The following ATP8A1 variants were observed in gnomAD, a reference collection of about 807,000 sequenced individuals.
The protein encoded by ATP8A1 is ATPase phospholipid transporting 8A1.
In ATP8A1, 90 loss-of-function variants were observed where a neutral mutation model predicts 177.7. That is an observed-to-expected ratio of 0.51 (90% CI 0.43 to 0.60). The LOEUF (loss-of-function observed/expected upper bound fraction) is 0.60, where lower values mean the gene tolerates loss of function less well. Among genes scored for constraint, ATP8A1 ranks in the 20% least tolerant of loss-of-function variants. The pLI is 0.00. For synonymous variants in ATP8A1, 493 were observed against 485.9 expected, an observed-to-expected ratio of 1.01 and a Z score of -0.19; for missense variants, 1,072 against 1,392.8, an observed-to-expected ratio of 0.77 and a Z score of 3.67.
At chr4:42,506,941 T>C (rs1724422590) in intron 23 of ATP8A1, 75 bp downstream of exon 23, 1 of 1,498,748 alleles carries the variant, frequency 6.7e-7, no homozygotes, top group South Asian at 1.2e-5. Flanking sequence ...TCTTGAAATG[T>C]CTCAAATCCA....
At chr4:42,647,279 T>C (rs192168698) in intron 1 of ATP8A1, among the ~76,000 whole-genome samples, 40 of 152,280 alleles carry the variant, frequency 2.6e-4, no homozygotes, top group African/African-American at 8.9e-4. Flanking sequence ...AAATTTTATA[T>C]TCTGAAAAAT....
chr4:42,609,737 C>A (rs1736183249), intron 5 of ATP8A1, among the ~76,000 whole-genome samples: 1 of 152,068 alleles, frequency 6.6e-6, no homozygotes, highest in Non-Finnish European at 1.5e-5. Context: ...CTACTTGACA[C>A]AACCTGTCCC....
intron 33 of ATP8A1, among the ~76,000 whole-genome samples, chr4:42,439,178 G>T (rs956786000): frequency 5.3e-5 from 8 of 152,132 alleles, no homozygotes; most frequent in African/African-American, 1.7e-4. Context: ...AAATATCTGT[G>T]CCCTTTTAAG....
chr4:42,551,371 T>C, intron 17 of ATP8A1, 91 bp from the exon 18 acceptor site: 1 of 888,940 alleles, frequency 1.1e-6, no homozygotes, highest in Non-Finnish European at 1.8e-6. Context: ...TATAATTTTC[T>C]GTTTAATTAA....
In ATP8A1 at chr4:42,626,862, C is replaced by T. The variant is rs1318708595; in HGVS notation, c.164+133G>A. The T allele has an allele frequency of 8.2e-5, 57 of 693,812 alleles. 1 individual carries two copies. The Middle Eastern group carries it at 1.2e-3, about 14-fold the overall frequency. 43.0% of individuals were successfully genotyped at this position (693,812 alleles called of 1,614,324 possible). On this transcript the variant is annotated intron_variant, in intron 2 of 36. Transcript: ENST00000381668. ...ATGGGAGAGAAGATGGGGAAACAGC[C>T]TATTCACACTGCCAACAGGGAGCTC...
intron 1 of ATP8A1, among the ~76,000 whole-genome samples, chr4:42,639,550 A>G (rs1189856659): frequency 6.6e-6 from 1 of 152,242 alleles, no homozygotes; most frequent in Non-Finnish European, 1.5e-5. Flanking sequence ...CCAAAAGACA[A>G]GGTAGGGGAT....
intron 24 of ATP8A1, among the ~76,000 whole-genome samples, chr4:42,499,484 A>C (rs1299480587): frequency 6.6e-6 from 1 of 152,186 alleles, no homozygotes; most frequent in African/African-American, 2.4e-5. Flanking sequence ...CGAGAGACTC[A>C]AGACAGTCAA....
At chr4:42,585,452 G>A (rs1472412529) in intron 9 of ATP8A1, among the ~76,000 whole-genome samples, 1 of 148,640 alleles carries the variant, frequency 6.7e-6, no homozygotes, top group South Asian at 2.2e-4. Flanking sequence ...CAGAAGGTGG[G>A]GACTTTGGGA....
intron 23 of ATP8A1, among the ~76,000 whole-genome samples, chr4:42,506,290 C>T (rs1186474440): frequency 6.6e-6 from 1 of 152,112 alleles, no homozygotes; most frequent in Non-Finnish European, 1.5e-5. Context: ...ATAAAAGAGG[C>T]CTCAGAGGGC....
intron 5 of ATP8A1, among the ~76,000 whole-genome samples, chr4:42,601,692 GT>G (rs1282538069): frequency 2.0e-5 from 3 of 152,110 alleles, no homozygotes; most frequent in Non-Finnish European, 4.4e-5. Flanking sequence ...TTTAATATTT[GT>G]TTTAATATTA....
At chr4:42,645,871 T>C (rs1158511660) in intron 1 of ATP8A1, among the ~76,000 whole-genome samples, 1 of 151,886 alleles carries the variant, frequency 6.6e-6, no homozygotes, top group South Asian at 2.1e-4. Flanking sequence ...GCCACCAGGA[T>C]TGGATAAAAC....
intron 5 of ATP8A1, among the ~76,000 whole-genome samples, chr4:42,614,431 T>C (rs1263840417): frequency 6.6e-6 from 1 of 152,268 alleles, no homozygotes; most frequent in African/African-American, 2.4e-5. Flanking sequence ...ATGCAAAAAC[T>C]GCATATTGCC....
intron 11 of ATP8A1, 109 bp downstream of exon 11, chr4:42,579,704 G>A (rs1267389983): frequency 1.0e-6 from 1 of 997,808 alleles, no homozygotes; most frequent in Non-Finnish European, 1.5e-6. Flanking sequence ...CAGCTATCTT[G>A]GCAACAAGGT....
chr4:42,613,853 G>A (rs569413548), intron 5 of ATP8A1, among the ~76,000 whole-genome samples: 1 of 151,754 alleles, frequency 6.6e-6, no homozygotes, highest in African/African-American at 2.4e-5. Context: ...CAAAGGGCTG[G>A]AATTACAGGC....
At chr4:42,425,342 G>A (rs890573193) in intron 33 of ATP8A1, among the ~76,000 whole-genome samples, 10 of 152,138 alleles carry the variant, frequency 6.6e-5, no homozygotes, top group African/African-American at 2.4e-4. Context: ...CCATTGTGAT[G>A]CTAACGATGA....
intron 7 of ATP8A1, among the ~76,000 whole-genome samples, chr4:42,589,010 A>G (rs1733899437): frequency 6.6e-6 from 1 of 152,160 alleles, no homozygotes; most frequent in Non-Finnish European, 1.5e-5. Context: ...GCTAGGCCAT[A>G]TTGCTCCTTG....
chr4:42,525,197 C>T (rs546056739), intron 20 of ATP8A1, among the ~76,000 whole-genome samples: 4 of 152,182 alleles, frequency 2.6e-5, no homozygotes, highest in African/African-American at 4.8e-5. Flanking sequence ...CAAGGAAGAA[C>T]GGTCCAGAAC....
intron 1 of ATP8A1, among the ~76,000 whole-genome samples, chr4:42,638,905 G>A (rs1739655115): frequency 6.6e-6 from 1 of 152,034 alleles, no homozygotes; most frequent in African/African-American, 2.4e-5. Context: ...CTGACACTAC[G>A]GACTGGATTC....
At chr4:42,435,705 C>T (rs1159812200) in intron 33 of ATP8A1, among the ~76,000 whole-genome samples, 13 of 152,124 alleles carry the variant, frequency 8.5e-5, no homozygotes, top group Admixed American at 8.5e-4. Context: ...TGGAAAATCC[C>T]GTTGCCACCT....
Sources: gnomAD v4.1 joint callset for allele counts (sites outside exome capture counted in the v4.1 genomes callset) on GRCh38, gnomAD v4.1.1 for gene constraint, MANE v1.5 for transcripts, NCBI Gene and HGNC (gene_info 2026-07-23, HGNC 2026-07-21) for gene names.